The following HECW1 variants were observed in gnomAD, a reference collection of about 807,000 sequenced individuals.
The protein encoded by HECW1 is E3 ubiquitin-protein ligase HECW1.
A neutral mutation model predicts 182.3 loss-of-function variants in HECW1; 61 were observed. The observed-to-expected ratio is 0.33, with a 90% CI of 0.27 to 0.41. The LOEUF (loss-of-function observed/expected upper bound fraction) is 0.41, where lower values mean the gene tolerates loss of function less well. HECW1 is among the 10% of genes least tolerant of loss of function. The pLI, the probability that HECW1 is intolerant of heterozygous loss-of-function variation, is 1.00. For synonymous variants in HECW1, 859 were observed against 832.6 expected, an observed-to-expected ratio of 1.03 and a Z score of -0.55; for missense variants, 1,739 against 2,108.9, an observed-to-expected ratio of 0.82 and a Z score of 3.44.
Position 43,180,323 on chromosome 7 carries a change from G to A in HECW1, c.-31-63552G>A, listed in dbSNP as rs114430080. 4.2e-3 allele frequency among the ~76,000 whole-genome samples: 581 copies of A among 136,956 alleles called. 3 individuals carry two copies. The highest frequency in any genetic ancestry group is 0.016 in the African/African-American group (548 of 35,210). The allele number at this position is 136,956 out of a possible 152,430, so 89.8% of individuals were successfully genotyped here. A position where few individuals can be genotyped will look rare whatever the true frequency, so the allele number is the denominator to read the frequency against. On this transcript the variant is annotated intron_variant, in intron 2 of 29. Coordinates refer to ENST00000395891, the MANE Select transcript of HECW1 (RefSeq NM_015052.5). ...TTGGAGGGTGCACAAAAAACTTCAG[G>A]ATTTTGAGTAATCAAATTGACTTAT...
chr7:43,197,227 T>C (rs1794543093), intron 2 of HECW1, among the ~76,000 whole-genome samples: 1 of 151,958 alleles, frequency 6.6e-6, no homozygotes, highest in African/African-American at 2.4e-5. Flanking sequence ...AAGGAAAATC[T>C]CTTCTTTTGG....
intron 24 of HECW1, 121 bp from the exon 25 acceptor site, chr7:43,541,042 T>C (rs1263136056): frequency 1.3e-6 from 1 of 762,952 alleles, no homozygotes; most frequent in Non-Finnish European, 2.3e-6. Flanking sequence ...GTGTCATCAA[T>C]GAGAAGATTC....
intron 6 of HECW1, among the ~76,000 whole-genome samples, chr7:43,377,569 C>T (rs762285921): frequency 3.3e-5 from 5 of 152,134 alleles, no homozygotes; most frequent in East Asian, 3.9e-4. Flanking sequence ...GGGTTTTCTC[C>T]GGTGGGCTGT....
At chr7:43,196,899 T>C (rs866365979) in intron 2 of HECW1, among the ~76,000 whole-genome samples, 7 of 152,156 alleles carry the variant, frequency 4.6e-5, no homozygotes, top group Middle Eastern at 3.2e-3. Context: ...AGTTTTATTT[T>C]CCCCCTGCCC....
At chr7:43,259,653 A>G (rs930604120) in intron 3 of HECW1, among the ~76,000 whole-genome samples, 3 of 152,228 alleles carry the variant, frequency 2.0e-5, no homozygotes, top group Admixed American at 1.3e-4. Flanking sequence ...ATGAAATTCT[A>G]GAGTAAAAAT....
chr7:43,336,012 TTCTC>T (rs1812125028), intron 5 of HECW1, among the ~76,000 whole-genome samples: 1 of 115,598 alleles, frequency 8.7e-6, no homozygotes, highest in African/African-American at 3.4e-5. Flanking sequence ...TCCTTTCTCT[TTCTC>T]TTTCTTTCTT....
chr7:43,224,528 G>C (rs1450196267), intron 2 of HECW1, among the ~76,000 whole-genome samples: 1 of 152,186 alleles, frequency 6.6e-6, no homozygotes, highest in African/African-American at 2.4e-5. Context: ...TGTGAAAAGG[G>C]GCACAGGTAA....
At chr7:43,182,279 G>C (rs1162339436) in intron 2 of HECW1, among the ~76,000 whole-genome samples, 1 of 152,160 alleles carries the variant, frequency 6.6e-6, no homozygotes, top group Non-Finnish European at 1.5e-5. Context: ...AAGTTTCATA[G>C]TTTCTGGTCT....
intron 3 of HECW1, among the ~76,000 whole-genome samples, chr7:43,258,249 A>G (rs1009682903): frequency 1.9e-4 from 28 of 151,046 alleles, no homozygotes; most frequent in African/African-American, 6.8e-4. Flanking sequence ...AGGCTAAGGC[A>G]TGAGAATCGC....
intron 5 of HECW1, among the ~76,000 whole-genome samples, chr7:43,357,074 G>A (rs1815241743): frequency 6.6e-6 from 1 of 152,058 alleles, no homozygotes; most frequent in Non-Finnish European, 1.5e-5. Context: ...AGGACAGGGA[G>A]CAACAAATGC....
chr7:43,434,908 A>G (rs375837231), intron 8 of HECW1, among the ~76,000 whole-genome samples: 13 of 152,240 alleles, frequency 8.5e-5, no homozygotes, highest in East Asian at 5.8e-4. Flanking sequence ...TGTGAAAATA[A>G]TAAGTGTTCA....
intron 3 of HECW1, among the ~76,000 whole-genome samples, chr7:43,292,937 A>G (rs1418835901): frequency 1.3e-5 from 2 of 152,294 alleles, no homozygotes; most frequent in Non-Finnish European, 2.9e-5. Flanking sequence ...GAAAGCTGGG[A>G]TTTATTGAAA....
chr7:43,320,907 G>A (rs1413367121), intron 5 of HECW1, among the ~76,000 whole-genome samples, 165 bp downstream of exon 5: 2 of 152,214 alleles, frequency 1.3e-5, no homozygotes, highest in East Asian at 3.8e-4. Context: ...AGTAAGTGGT[G>A]AGGTCTAGGG....
chr7:43,208,686 G>A (rs568667948), intron 2 of HECW1, among the ~76,000 whole-genome samples: 1 of 152,336 alleles, frequency 6.6e-6, no homozygotes, highest in South Asian at 2.1e-4. Flanking sequence ...CTCATTGGTG[G>A]TTTAGGTCTA....
At chr7:43,449,129 A>G (rs1293336194) in intron 11 of HECW1, among the ~76,000 whole-genome samples, 2 of 152,224 alleles carry the variant, frequency 1.3e-5, no homozygotes, top group Non-Finnish European at 1.5e-5. Context: ...AGGTAAGTCT[A>G]TTGTTGATTT....
At chr7:43,321,809 A>G (rs1396087435) in intron 5 of HECW1, among the ~76,000 whole-genome samples, 4 of 152,186 alleles carry the variant, frequency 2.6e-5, no homozygotes, top group African/African-American at 9.7e-5. Flanking sequence ...CTCCCTTGAC[A>G]AACATTTTTG....
chr7:43,437,991 C>T lies in HECW1; in HGVS notation c.802-12C>T, dbSNP rs1465316530. 6.2e-7 allele frequency: 1 copy of T among 1,613,608 alleles called. No homozygotes were observed. The stretch of plus-strand genomic sequence containing the variant: ...TCTCAGTTAATTGATGTGACATATT[C>T]TTTCATTGCAGCAATTCAGTTTTGT... On this transcript the variant is annotated splice_polypyrimidine_tract_variant and intron_variant, in intron 8 of 29. Transcript: ENST00000395891.
intron 8 of HECW1, among the ~76,000 whole-genome samples, chr7:43,415,364 T>C (rs1272025559): frequency 7.0e-6 from 1 of 143,406 alleles, no homozygotes; most frequent in Non-Finnish European, 1.5e-5. Flanking sequence ...GCCCCCACTC[T>C]CTTCTGGCTT....
intron 2 of HECW1, among the ~76,000 whole-genome samples, chr7:43,237,145 G>T (rs1798441394): frequency 1.9e-5 from 1 of 52,182 alleles, no homozygotes; most frequent in South Asian, 5.6e-4. Context: ...AAGGAAGTAG[G>T]TAGGTAGGTA....
Sources: allele counts gnomAD v4.1 joint callset (sites outside exome capture counted in the v4.1 genomes callset), GRCh38; gene constraint gnomAD v4.1.1; transcripts MANE v1.5; gene names NCBI Gene and HGNC (gene_info 2026-07-23, HGNC 2026-07-21).